Variants in FHIP1B observed in about 807,000 individuals in gnomAD.
FHIP1B encodes the protein FHF complex subunit HOOK-interacting protein 1B.
In FHIP1B, 28 loss-of-function variants were observed where a neutral mutation model predicts 82.2. That is an observed-to-expected ratio of 0.34 (90% CI 0.25 to 0.47). FHIP1B has a LOEUF of 0.47. FHIP1B is among the 20% of genes least tolerant of loss of function. The pLI is 1.00. For synonymous variants in FHIP1B, 585 were observed against 516.1 expected (o/e 1.13, Z -1.81); for missense variants, 1,110 against 1,262.6 (o/e 0.88, Z 1.83).
At position 6,230,497 on chromosome 11, in the gene FHIP1B, C is replaced by T. The variant is rs529477291; in HGVS notation, c.-192+4047G>A. On this transcript the variant is annotated intron_variant, in intron 1 of 11. Transcript: ENST00000449352. ...CACCTACTAGGAATTTATACTAGAG[C>T]TCAGCTTACACATTTCTTCCCTGCT... Among the ~76,000 whole-genome samples the T allele has an allele frequency of 2.0e-5, 3 of 152,332 alleles. No individual in the cohort carries two copies. In the South Asian group the frequency reaches 6.2e-4, roughly 32 times the overall value.
chr11:6,221,435 G>C (rs535065270), intron 6 of FHIP1B, among the ~76,000 whole-genome samples: 2 of 151,986 alleles, frequency 1.3e-5, no homozygotes, highest in African/African-American at 4.8e-5. Context: ...TCCTAGAGGG[G>C]CTTAAGTCTT....
At chr11:6,221,255 T>A (rs1428932716) in intron 6 of FHIP1B, among the ~76,000 whole-genome samples, 1 of 152,078 alleles carries the variant, frequency 6.6e-6, no homozygotes, top group Non-Finnish European at 1.5e-5. Flanking sequence ...AACTCTACTA[T>A]CTAGTATCTC....
intron 1 of FHIP1B, among the ~76,000 whole-genome samples, chr11:6,225,344 A>G (rs930635491): frequency 5.3e-5 from 8 of 152,018 alleles, no homozygotes; most frequent in Non-Finnish European, 8.8e-5. Context: ...TGCTTTTCAC[A>G]TTGCTGTCAT....
intron 1 of FHIP1B, among the ~76,000 whole-genome samples, chr11:6,228,569 G>T (rs1847622736): frequency 6.6e-6 from 1 of 152,104 alleles, no homozygotes; most frequent in Non-Finnish European, 1.5e-5. Flanking sequence ...TCTGAAAAAG[G>T]AAAAAATGAG....
At chr11:6,226,215 A>G (rs1847560655) in intron 1 of FHIP1B, among the ~76,000 whole-genome samples, 1 of 152,186 alleles carries the variant, frequency 6.6e-6, no homozygotes, top group African/African-American at 2.4e-5. Context: ...GCTCACAACT[A>G]AAGGAAGGTA....
At chr11:6,219,466 A>T (rs1847346213) in intron 6 of FHIP1B, among the ~76,000 whole-genome samples, 1 of 152,250 alleles carries the variant, frequency 6.6e-6, no homozygotes, top group African/African-American at 2.4e-5. Context: ...GCAATACAGT[A>T]ACTGAATGCC....
At chr11:6,232,975 G>A (rs1847736409) in intron 1 of FHIP1B, among the ~76,000 whole-genome samples, 2 of 152,018 alleles carry the variant, frequency 1.3e-5, no homozygotes, top group African/African-American at 4.8e-5. Flanking sequence ...TAACCATACT[G>A]TCTTTCTCTC....
intron 1 of FHIP1B, among the ~76,000 whole-genome samples, chr11:6,228,899 G>A (rs946823669): frequency 1.3e-5 from 2 of 152,178 alleles, no homozygotes; most frequent in Admixed American, 6.5e-5. Context: ...TAAAGTCAAC[G>A]GTTGAGAAAA....
rs773850615 is a variant in FHIP1B, at chr11:6,219,055, G to T, written c.1192-5C>A. On this transcript the variant is annotated splice_region_variant and splice_polypyrimidine_tract_variant and intron_variant, in intron 6 of 11. Coordinates refer to ENST00000449352, the MANE Select transcript of FHIP1B (RefSeq NM_001098794.2). ...ACTCAGAGAGACCATGCAGAGCTGG[G>T]GGGGTGGAGGGGAGGGAGGGAGTCA... 1.2e-5 allele frequency: 19 copies of T among 1,608,744 alleles called. 1 individual carries two copies. In the Admixed American group the frequency reaches 2.5e-4, roughly 21 times the overall value.
rs756254526 is a variant in FHIP1B, at chr11:6,223,989, AG to A, written c.397del (p.Leu133TyrfsTer5). ...AGCTTCGCTCACTAGCATTTCAAAT[AG>A]TTTCAGTTGCTCAGCCCGCCGTTCC... is the stretch of plus-strand genomic sequence containing the variant. Reference protein sequence around the residue: ...VEERRAEQLKLFEMLVSEARQ... With the variant: ...VEERRAEQLKXFEMLVSEARQ... On this transcript the variant is annotated frameshift_variant, in exon 3 of 12. Coordinates refer to ENST00000449352, the MANE Select transcript of FHIP1B (RefSeq NM_001098794.2). LOFTEE classifies it high-confidence loss of function. This position sits in a 1 kb window ranked among gnomAD's most constrained non-coding sequence, Gnocchi z 4.8. 1 of 1,614,080 alleles carries A rather than the reference AG, an allele frequency of 6.2e-7. No individual in the cohort carries two copies. The highest frequency in any genetic ancestry group is 8.5e-7 in the Non-Finnish European group (1 of 1,180,026).
chr11:6,225,109 G>A (rs1590629799), intron 1 of FHIP1B, among the ~76,000 whole-genome samples: 1 of 152,272 alleles, frequency 6.6e-6, no homozygotes, highest in East Asian at 1.9e-4. Flanking sequence ...AACAACCAGA[G>A]TGATATTTTT....
intron 1 of FHIP1B, among the ~76,000 whole-genome samples, chr11:6,230,765 T>C (rs982907960): frequency 6.6e-6 from 1 of 152,124 alleles, no homozygotes. Context: ...CTGAACTAGA[T>C]CCTAAAGGAT....
At chr11:6,218,307 C>T (rs886197699) in intron 8 of FHIP1B, among the ~76,000 whole-genome samples, 157 bp from the exon 9 acceptor site, 1 of 152,158 alleles carries the variant, frequency 6.6e-6, no homozygotes, top group Admixed American at 6.5e-5. Flanking sequence ...ACCTTATCCT[C>T]ATCCACCACC....
chr11:6,224,096 C>T lies in FHIP1B; in HGVS notation c.291G>A (p.Leu97=). The part of the protein sequence containing the change: ...PSAPTGPGPL[L]EFALHEDLLT... ...GCAGATCCTCGTGCAGAGCAAACTC[C>T]AGCAGGGGCCCAGGGCCTGTGGGGG... Residue 97 remains leucine (L), a synonymous_variant, in exon 3 of 12, where the codon CTG becomes CTA. Coordinates refer to ENST00000449352, the MANE Select transcript of FHIP1B (RefSeq NM_001098794.2). 6.2e-7 allele frequency: 1 copy of T among 1,613,982 alleles called. No homozygotes were observed. The highest frequency in any genetic ancestry group is 8.5e-7 in the Non-Finnish European group (1 of 1,179,926).
intron 9 of FHIP1B, among the ~76,000 whole-genome samples, chr11:6,215,795 C>T (rs1313427266): frequency 1.3e-5 from 2 of 152,168 alleles, no homozygotes; most frequent in African/African-American, 4.8e-5. Flanking sequence ...CATCACAGTC[C>T]TTCTGATTAG....
At chr11:6,216,830 G>T in intron 9 of FHIP1B, 1 of 564,840 alleles carries the variant, frequency 1.8e-6, no homozygotes, top group African/African-American at 1.9e-5. Flanking sequence ...GGAAAAACTT[G>T]AAATCAAGTC....
At chr11:6,213,228 T>C (rs1206819241) in intron 11 of FHIP1B, among the ~76,000 whole-genome samples, 1 of 152,244 alleles carries the variant, frequency 6.6e-6, no homozygotes, top group East Asian at 1.9e-4. Flanking sequence ...TGGTACTCTC[T>C]TCCCAACCCA....
chr11:6,232,928 G>T (rs183148278), intron 1 of FHIP1B, among the ~76,000 whole-genome samples: 5 of 152,054 alleles, frequency 3.3e-5, no homozygotes, highest in Admixed American at 2.6e-4. Context: ...AAAAGAATAG[G>T]AATGATAATC....
At chr11:6,220,644 G>T (rs1424633563) in intron 6 of FHIP1B, among the ~76,000 whole-genome samples, 3 of 152,154 alleles carry the variant, frequency 2.0e-5, no homozygotes. Flanking sequence ...AATTAGAAGA[G>T]ATCTGTTCCT....
Sources: allele counts gnomAD v4.1 joint callset (sites outside exome capture counted in the v4.1 genomes callset), GRCh38; gene constraint gnomAD v4.1.1; non-coding constraint Gnocchi (gnomAD v3.1); transcripts MANE v1.5; gene names NCBI Gene and HGNC (gene_info 2026-07-23, HGNC 2026-07-21).